Variants in ZNF423 observed in about 807,000 individuals in gnomAD.
ZNF423 encodes Ebf-associated zinc finger protein.
A neutral mutation model predicts 95.8 loss-of-function variants in ZNF423; 12 were observed. The ratio of observed to expected loss-of-function variants is 0.13; its 90% CI spans 0.08 to 0.20. The LOEUF (loss-of-function observed/expected upper bound fraction) is 0.20, where lower values mean the gene tolerates loss of function less well. ZNF423 is among the 10% of genes least tolerant of loss of function. ZNF423 has a pLI of 1.00. For synonymous variants in ZNF423, 749 were observed against 711.9 expected, an observed-to-expected ratio of 1.05 and a Z score of -0.83; for missense variants, 1,316 against 1,737.1, an observed-to-expected ratio of 0.76 and a Z score of 4.31.
chr16:49,613,918 C>T (rs182489335), intron 5 of ZNF423, among the ~76,000 whole-genome samples: 57 of 151,402 alleles, frequency 3.8e-4, no homozygotes, highest in African/African-American at 1.4e-3. Flanking sequence ...AATCTTTGCA[C>T]CAAAGGTATA....
In ZNF423 at chr16:49,700,733, C is replaced by A. The variant is rs529611455; in HGVS notation, c.301+30038G>T. Among the ~76,000 whole-genome samples the A allele has an allele frequency of 6.6e-5, 10 of 152,278 alleles. No individual in the cohort carries two copies. The South Asian group carries it at 1.9e-3, about 28-fold the overall frequency. On this transcript the variant is annotated intron_variant, in intron 3 of 7. Coordinates refer to ENST00000563137, the MANE Select transcript of ZNF423 (RefSeq NM_001379286.1). The stretch of plus-strand genomic sequence containing the variant: ...CAGAGGATCTCTGTGAGCATCTGAC[C>A]CAACCAGCTCCTGATGGGCAAACCC...
In ZNF423 at chr16:49,664,020, A is replaced by G. The variant is rs2030395234; in HGVS notation, c.302-25146T>C. Reference sequence around the variant, plus strand: ...GACTCGGCGTTCCGGTGCAGACACCAGCCTGTTTTATTCATTCTTCCCCCT... The same window carrying G: ...GACTCGGCGTTCCGGTGCAGACACCGGCCTGTTTTATTCATTCTTCCCCCT... On this transcript the variant is annotated intron_variant, in intron 3 of 7. Coordinates refer to ENST00000563137, the MANE Select transcript of ZNF423 (RefSeq NM_001379286.1). 6.2e-6 allele frequency: 6 copies of G among 970,078 alleles called. No individual in the cohort carries two copies. In the South Asian group the frequency reaches 2.9e-4, roughly 46 times the overall value. The allele number at this position is 970,078 out of a possible 1,614,324, so 60.1% of individuals were successfully genotyped here. A position where few individuals can be genotyped will look rare whatever the true frequency, so the allele number is the denominator to read the frequency against.
intron 5 of ZNF423, among the ~76,000 whole-genome samples, chr16:49,545,559 C>CGACAGAA (rs753620723): frequency 1.2e-4 from 19 of 152,170 alleles, no homozygotes; most frequent in Non-Finnish European, 2.5e-4. Flanking sequence ...ACCGAGCCTC[C>CGACAGAA]GACAGAAAAG....
intron 2 of ZNF423, among the ~76,000 whole-genome samples, chr16:49,748,883 G>A (rs1304052654): frequency 1.3e-5 from 2 of 152,124 alleles, no homozygotes; most frequent in African/African-American, 2.4e-5. Context: ...GGTGCTTCCC[G>A]GGATACCAGG....
At chr16:49,619,548 G>C (rs1971986681) in intron 5 of ZNF423, among the ~76,000 whole-genome samples, 1 of 151,986 alleles carries the variant, frequency 6.6e-6, no homozygotes, top group Admixed American at 6.6e-5. Context: ...ACTGTTGAGG[G>C]GGAAGTGACT....
chr16:49,549,813 G>A (rs549888794), intron 5 of ZNF423, among the ~76,000 whole-genome samples: 8 of 152,210 alleles, frequency 5.3e-5, no homozygotes, highest in South Asian at 2.1e-4. Flanking sequence ...TTTCTGAACC[G>A]TAAGGCTTAG....
chr16:49,686,448 T>C (rs542283395), intron 3 of ZNF423, among the ~76,000 whole-genome samples: 353 of 152,262 alleles, frequency 2.3e-3, no homozygotes, highest in Non-Finnish European at 4.0e-3. Context: ...TCAGGTATCA[T>C]GTACAAAAAC....
At chr16:49,506,419 ATAGGTGGG>A (rs1325232443) in intron 7 of ZNF423, among the ~76,000 whole-genome samples, 1 of 151,656 alleles carries the variant, frequency 6.6e-6, no homozygotes, top group Non-Finnish European at 1.5e-5. Context: ...GGGTGGATAG[ATAGGTGGG>A]TAGGTGGAGG....
chr16:49,570,065 T>C (rs1167266245), intron 5 of ZNF423, among the ~76,000 whole-genome samples: 1 of 152,188 alleles, frequency 6.6e-6, no homozygotes, highest in Non-Finnish European at 1.5e-5. Context: ...GGACTATGGC[T>C]GTTAAACAAA....
At chr16:49,803,322 T>C (rs1029364544) in intron 1 of ZNF423, among the ~76,000 whole-genome samples, 2 of 152,116 alleles carry the variant, frequency 1.3e-5, no homozygotes, top group Admixed American at 1.3e-4. Flanking sequence ...CTGAGTCCCA[T>C]CACAGGAGGC....
chr16:49,732,135 G>T (rs569745831), intron 2 of ZNF423, among the ~76,000 whole-genome samples: 4 of 152,260 alleles, frequency 2.6e-5, no homozygotes, highest in South Asian at 2.1e-4. Context: ...TCACAGGTAA[G>T]GTACCTGGCA....
intron 2 of ZNF423, 150 bp downstream of exon 2, chr16:49,789,337 T>C: frequency 3.1e-6 from 2 of 644,618 alleles, no homozygotes; most frequent in Non-Finnish European, 5.2e-6. Context: ...GGAACTGATA[T>C]AAAAATCGTG....
intron 3 of ZNF423, among the ~76,000 whole-genome samples, chr16:49,700,907 G>C (rs1024634995): frequency 2.6e-5 from 4 of 152,098 alleles, no homozygotes; most frequent in African/African-American, 7.2e-5. Flanking sequence ...GCAGGAGAAA[G>C]GAGGAGGGAG....
chr16:49,549,868 G>C (rs1969574585), intron 5 of ZNF423, among the ~76,000 whole-genome samples: 1 of 151,912 alleles, frequency 6.6e-6, no homozygotes. Context: ...AATATGTTTT[G>C]TTTTTTCCTT....
intron 5 of ZNF423, among the ~76,000 whole-genome samples, chr16:49,593,995 G>A (rs1035493822): frequency 6.6e-6 from 1 of 152,078 alleles, no homozygotes; most frequent in African/African-American, 2.4e-5. Flanking sequence ...AGGAGGAAAT[G>A]TTGTCCTAGA....
chr16:49,529,347 C>T (rs534429232), intron 5 of ZNF423, among the ~76,000 whole-genome samples: 1 of 152,234 alleles, frequency 6.6e-6, no homozygotes, highest in African/African-American at 2.4e-5. Context: ...ACTCAAACTG[C>T]CAAACAAACA....
chr16:49,555,835 G>A (rs897200288), intron 5 of ZNF423, among the ~76,000 whole-genome samples: 1 of 152,206 alleles, frequency 6.6e-6, no homozygotes, highest in African/African-American at 2.4e-5. Flanking sequence ...AGAGATGGAT[G>A]TGTGGATGGA....
At chr16:49,628,064 T>A (rs529564026) in intron 4 of ZNF423, among the ~76,000 whole-genome samples, 1 of 140,960 alleles carries the variant, frequency 7.1e-6, no homozygotes, top group East Asian at 2.3e-4. Context: ...TTCATCTATA[T>A]ACATACCCAC....
intron 3 of ZNF423, among the ~76,000 whole-genome samples, chr16:49,710,344 G>C (rs1219070034): frequency 6.6e-6 from 1 of 152,192 alleles, no homozygotes; most frequent in Non-Finnish European, 1.5e-5. Flanking sequence ...ACTCCGGTGT[G>C]GTTCAGTAGC....
Sources: allele counts gnomAD v4.1 joint callset (sites outside exome capture counted in the v4.1 genomes callset), GRCh38; gene constraint gnomAD v4.1.1; transcripts MANE v1.5; gene names NCBI Gene and HGNC (gene_info 2026-07-23, HGNC 2026-07-21).